The following AFF2 variants were observed in gnomAD, a reference collection of about 807,000 sequenced individuals.
AFF2 encodes AF4/FMR2 family member 2.
AFF2 carries 14 observed loss-of-function variants against 76.9 expected under a neutral mutation model. The ratio of observed to expected loss-of-function variants is 0.18; its 90% CI spans 0.12 to 0.28. AFF2 has a LOEUF of 0.28. Ranked by LOEUF, AFF2 falls within the 10% of genes least tolerant of loss-of-function variation. The probability of loss-of-function intolerance (pLI) is 1.00; values close to 1 mark genes in which losing one functional copy is unlikely to be tolerated. For missense variants in AFF2, 868 were observed against 1,001.1 expected (o/e 0.87, Z 1.79); for synonymous variants, 398 against 366.7 (o/e 1.09, Z -0.98).
intron 3 of AFF2, among the ~76,000 whole-genome samples, chrX:148,674,609 T>G (rs1212517999): frequency 1.8e-5 from 2 of 112,208 alleles, no homozygotes; most frequent in African/African-American, 6.5e-5. Context: ...AATCTTTTTT[T>G]CTTAGTGACT....
At chrX:148,951,284 G>T (rs1557286598) in intron 9 of AFF2, among the ~76,000 whole-genome samples, 2 of 111,192 alleles carry the variant, frequency 1.8e-5, no homozygotes, top group East Asian at 2.8e-4. Flanking sequence ...TGCTTCATGT[G>T]TATCACCTTA....
intron 3 of AFF2, among the ~76,000 whole-genome samples, chrX:148,778,342 T>A (rs111370810): frequency 0.011 from 1,171 of 111,447 alleles, 25 homozygotes; most frequent in African/African-American, 0.036. Context: ...GCCAGGTTTT[T>A]GAATCAGGAT....
intron 1 of AFF2, among the ~76,000 whole-genome samples, chrX:148,631,029 C>T (rs892628012): frequency 1.8e-5 from 2 of 112,268 alleles, no homozygotes; most frequent in Non-Finnish European, 3.8e-5. Context: ...TCTTCAGCCC[C>T]TTCTTACTTT....
intron 3 of AFF2, among the ~76,000 whole-genome samples, chrX:148,762,269 T>C (rs1308173932): frequency 1.8e-5 from 2 of 109,598 alleles, no homozygotes; most frequent in South Asian, 3.9e-4. Flanking sequence ...GTAGCTTAGC[T>C]CCCACTTATA....
At chrX:148,853,295 G>A (rs1209045551) in intron 7 of AFF2, among the ~76,000 whole-genome samples, 3 of 111,123 alleles carry the variant, frequency 2.7e-5, no homozygotes, top group East Asian at 2.8e-4. Flanking sequence ...AATTTCTGGA[G>A]CAAGGAGACA....
chrX:148,890,870 T>C (rs2071214958), intron 8 of AFF2, among the ~76,000 whole-genome samples: 1 of 112,197 alleles, frequency 8.9e-6, no homozygotes, highest in African/African-American at 3.2e-5. Context: ...CTATTTGAAG[T>C]TGACATTAGA....
chrX:148,895,189 G>C (rs1028676822), intron 8 of AFF2, among the ~76,000 whole-genome samples: 2 of 111,178 alleles, frequency 1.8e-5, no homozygotes, highest in African/African-American at 6.6e-5. Context: ...ATTGCTTACT[G>C]GGGGGGCCAG....
At chrX:148,566,593 G>A (rs1253257703) in intron 1 of AFF2, among the ~76,000 whole-genome samples, 1 of 110,706 alleles carries the variant, frequency 9.0e-6, no homozygotes, top group Non-Finnish European at 1.9e-5. Context: ...TTACTTTATG[G>A]TGTGGTCCTT....
At chrX:148,749,859 G>A (rs1174382441) in intron 3 of AFF2, among the ~76,000 whole-genome samples, 5 of 111,620 alleles carry the variant, frequency 4.5e-5, no homozygotes, top group Non-Finnish European at 7.5e-5. Flanking sequence ...TGAGCAAAAA[G>A]TATTTCCATT....
chrX:148,549,775 T>A (rs1413313676), intron 1 of AFF2, among the ~76,000 whole-genome samples: 1 of 112,088 alleles, frequency 8.9e-6, no homozygotes, highest in Non-Finnish European at 1.9e-5. Flanking sequence ...GTTTGACCAC[T>A]CTTTGCTCTT....
intron 9 of AFF2, among the ~76,000 whole-genome samples, chrX:148,944,722 G>A (rs1487857530): frequency 9.1e-6 from 1 of 110,152 alleles, no homozygotes; most frequent in African/African-American, 3.3e-5. Flanking sequence ...GCCAACGTTG[G>A]CCAGTCTTAC....
At chrX:148,523,023 C>T (rs1204313226) in intron 1 of AFF2, among the ~76,000 whole-genome samples, 2 of 111,812 alleles carry the variant, frequency 1.8e-5, no homozygotes, top group African/African-American at 3.3e-5. Context: ...AACAGGAATT[C>T]GACTCCAGTG....
intron 9 of AFF2, among the ~76,000 whole-genome samples, chrX:148,927,271 A>ATATGTGTT (rs2071661655): frequency 8.9e-6 from 1 of 112,155 alleles, no homozygotes; most frequent in African/African-American, 3.2e-5. Flanking sequence ...AAGGCAGAGA[A>ATATGTGTT]TATGTGTTGG....
At chrX:148,573,777 G>A (rs891290409) in intron 1 of AFF2, among the ~76,000 whole-genome samples, 1 of 111,498 alleles carries the variant, frequency 9.0e-6, no homozygotes, top group South Asian at 3.7e-4. Flanking sequence ...ACTCTTTGAA[G>A]TGAAGCTAAA....
chrX:148,577,040 G>A (rs782818019), intron 1 of AFF2, among the ~76,000 whole-genome samples: 84 of 111,369 alleles, frequency 7.5e-4, no homozygotes, highest in African/African-American at 2.7e-3. Flanking sequence ...CAATAAAATA[G>A]CATAGACCAC....
chrX:148,885,824 A>G (rs2071151800), intron 7 of AFF2, 65 bp from the exon 8 acceptor site: 2 of 918,881 alleles, frequency 2.2e-6, no homozygotes, highest in Non-Finnish European at 1.6e-6. Context: ...TCATTGCAAG[A>G]TGTATCCGAG....
rs1460432499 is a variant in AFF2, at chrX:148,629,712, G to A, written c.48-22287G>A. On this transcript the variant is annotated intron_variant, in intron 1 of 20. Transcript: ENST00000370460. ...CCCTTGAACACTGACATGCTTCCTC[G>A]GTGAGTCTGAAAATTAGAACTTTAG... is the stretch of plus-strand genomic sequence containing the variant. 1.9e-4 allele frequency among the ~76,000 whole-genome samples: 21 copies of A among 111,647 alleles called. No homozygotes were observed. In the Admixed American group the frequency reaches 2.0e-3, roughly 11 times the overall value.
chrX:148,582,156 G>A (rs1300490526), intron 1 of AFF2, among the ~76,000 whole-genome samples: 2 of 111,426 alleles, frequency 1.8e-5, no homozygotes, highest in Non-Finnish European at 3.8e-5. Flanking sequence ...CAAAAGTGAC[G>A]TTGTGTTCTT....
At chrX:148,544,359 T>C (rs782778508) in intron 1 of AFF2, among the ~76,000 whole-genome samples, 1 of 112,060 alleles carries the variant, frequency 8.9e-6, no homozygotes, top group South Asian at 3.8e-4. Context: ...TGGGAAATGA[T>C]TTGCTGCCCC....
Sources: gnomAD v4.1 joint callset for allele counts (sites outside exome capture counted in the v4.1 genomes callset) on GRCh38, gnomAD v4.1.1 for gene constraint, MANE v1.5 for transcripts, NCBI Gene and HGNC (gene_info 2026-07-23, HGNC 2026-07-21) for gene names.